Variants in PTPN22 observed in about 807,000 individuals in gnomAD.
PTPN22 encodes protein tyrosine phosphatase non-receptor type 22.
Under a neutral mutation model 103.3 loss-of-function variants are expected in PTPN22, and 85 were observed. The ratio of observed to expected loss-of-function variants is 0.82; its 90% CI spans 0.69 to 0.99. The LOEUF is 0.99. Ranked by LOEUF, PTPN22 falls within the 50% of genes least tolerant of loss-of-function variation. The probability of loss-of-function intolerance (pLI) is 0.00; values close to 1 mark genes in which losing one functional copy is unlikely to be tolerated. For missense variants in PTPN22, 865 were observed against 936.9 expected, an observed-to-expected ratio of 0.92 and a Z score of 1.00; for synonymous variants, 323 against 310.2, an observed-to-expected ratio of 1.04 and a Z score of -0.43.
intron 11 of PTPN22, among the ~76,000 whole-genome samples, chr1:113,839,547 T>C (rs1663335898): frequency 6.6e-6 from 1 of 152,168 alleles, no homozygotes; most frequent in Non-Finnish European, 1.5e-5. Flanking sequence ...TATCATATTA[T>C]GAAATATGTT....
chr1:113,847,236 C>CTTT lies in PTPN22; in HGVS notation c.915+1301_915+1303dup, dbSNP rs34578333. On this transcript the variant is annotated intron_variant, in intron 11 of 20. Coordinates refer to ENST00000359785, the Ensembl canonical transcript of PTPN22. The stretch of plus-strand genomic sequence containing the variant: ...TATATCTTGTTTCTTTGCTGAGACT[C>CTTT]TTTTTTTTTTTTTTTTGATGAGGCT... Among the ~76,000 whole-genome samples, 133 of 101,438 alleles carry CTTT rather than the reference C, an allele frequency of 1.3e-3. 1 individual carries two copies. The highest frequency in any genetic ancestry group is 4.6e-3 in the African/African-American group (125 of 27,088). The allele number at this position is 101,438 out of a possible 152,430, so 66.5% of individuals were successfully genotyped here.
chr1:113,862,385 C>G lies in PTPN22; in HGVS notation c.88-2925G>C, dbSNP rs149371612. On this transcript the variant is annotated intron_variant, in intron 1 of 20. Coordinates refer to ENST00000359785, the Ensembl canonical transcript of PTPN22. ...GGTGGAATGTGTGAGAAACCAGATT[C>G]TGTGTGTGCTTGATAAGCTAATAGT... 3.0e-3 allele frequency among the ~76,000 whole-genome samples: 455 copies of G among 152,240 alleles called. 2 individuals carry two copies. Among genetic ancestry groups the G allele is most frequent in the Non-Finnish European group, 5.0e-3 (343 of 68,012 alleles).
At chr1:113,832,081 A>G (rs1662597800) in intron 16 of PTPN22, among the ~76,000 whole-genome samples, 1 of 152,256 alleles carries the variant, frequency 6.6e-6, no homozygotes. Context: ...GAAAAATAGA[A>G]GGAGAAAGTA....
exon 21 of PTPN22, chr1:113,814,783 A>G (rs778443826): frequency 1.6e-5 from 13 of 800,592 alleles, no homozygotes; most frequent in Non-Finnish European, 2.0e-5. Context: ...AGCTATTAAC[A>G]CATTAGCATA....
intron 10 of PTPN22, among the ~76,000 whole-genome samples, chr1:113,850,376 G>A (rs899719898): frequency 6.6e-6 from 1 of 152,198 alleles, no homozygotes; most frequent in African/African-American, 2.4e-5. Context: ...CAACTGTCAA[G>A]TTCAGTTAGT....
At chr1:113,814,787 T>G in exon 21 of PTPN22, 1 of 827,054 alleles carries the variant, frequency 1.2e-6, no homozygotes, top group Non-Finnish European at 2.0e-6. Context: ...ATTAACACAT[T>G]AGCATATCTT....
At chr1:113,839,915 C>A in intron 11 of PTPN22, among the ~76,000 whole-genome samples, 1 of 151,304 alleles carries the variant, frequency 6.6e-6, no homozygotes, top group African/African-American at 2.4e-5. Flanking sequence ...AAAAAGCATT[C>A]AAATTGGAAA....
intron 1 of PTPN22, among the ~76,000 whole-genome samples, chr1:113,867,274 C>CA (rs995480397): frequency 2.7e-4 from 41 of 152,284 alleles, no homozygotes; most frequent in South Asian, 1.9e-3. Flanking sequence ...TTGAGAGACT[C>CA]AGTGTCATTG....
chr1:113,856,770 T>A (rs1445942284), intron 5 of PTPN22, 151 bp from the exon 6 acceptor site: 15 of 895,264 alleles, frequency 1.7e-5, no homozygotes. Context: ...TATTGGAATC[T>A]CCAAAGATGG....
intron 13 of PTPN22, among the ~76,000 whole-genome samples, chr1:113,837,218 G>A (rs961649029): frequency 2.6e-5 from 4 of 152,096 alleles, no homozygotes; most frequent in Middle Eastern, 3.2e-3. Flanking sequence ...TTGGGAGGCC[G>A]AGGCAGGCAG....
intron 1 of PTPN22, among the ~76,000 whole-genome samples, chr1:113,862,429 G>A (rs1383609336): frequency 1.3e-5 from 2 of 152,194 alleles, no homozygotes; most frequent in Admixed American, 1.3e-4. Flanking sequence ...TTGGTTTGTA[G>A]ATGATACTAC....
intron 9 of PTPN22, among the ~76,000 whole-genome samples, chr1:113,853,715 T>C (rs74711669): frequency 5.9e-5 from 9 of 151,698 alleles, no homozygotes; most frequent in African/African-American, 2.2e-4. Context: ...GGAGTCTCTC[T>C]CTGTCACCCA....
At chr1:113,829,827 C>T in intron 17 of PTPN22, 120 bp from the exon 18 acceptor site, 2 of 1,201,542 alleles carry the variant, frequency 1.7e-6, no homozygotes, top group Non-Finnish European at 2.4e-6. Context: ...ATATTAGGGG[C>T]TTTTAAAATG....
intron 18 of PTPN22, among the ~76,000 whole-genome samples, chr1:113,827,357 C>T (rs1237919697): frequency 6.6e-6 from 1 of 152,098 alleles, no homozygotes; most frequent in Non-Finnish European, 1.5e-5. Flanking sequence ...TGTAGATAAC[C>T]ACTGTTAGTT....
chr1:113,838,167 C>A lies in PTPN22; in HGVS notation c.1233G>T (p.Lys411Asn), dbSNP rs760438127. Residue 411 changes from lysine (K) to asparagine (N), a missense_variant, in exon 13 of 21, where the codon AAG (lysine) becomes AAT (asparagine). Coordinates refer to ENST00000359785, the Ensembl canonical transcript of PTPN22. ...GAGAGCCCAAATCCAAACTTTGATG[C>A]TTCTGAAGAGGCTCCCCAACTATTG... 3.1e-6 allele frequency: 5 copies of A among 1,614,018 alleles called. No homozygotes were observed. In the South Asian group the frequency reaches 4.4e-5, roughly 14 times the overall value.
chr1:113,869,921 T>C (rs987645884), intron 1 of PTPN22, among the ~76,000 whole-genome samples: 8 of 152,176 alleles, frequency 5.3e-5, no homozygotes, highest in South Asian at 2.1e-4. Flanking sequence ...ACATTTTTCA[T>C]AGTACCACAA....
rs61014287 is a variant in PTPN22, at chr1:113,870,298, G to GA, written c.87+1238dup. On this transcript the variant is annotated intron_variant, in intron 1 of 20. Coordinates refer to ENST00000359785, the Ensembl canonical transcript of PTPN22. The stretch of plus-strand genomic sequence containing the variant: ...CATGTCAAATACTTCATAATTTGGT[G>GA]AAAAAAAATCATGATTTAATTTCAG... Among the ~76,000 whole-genome samples the GA allele has an allele frequency of 3.4e-3, 518 of 151,898 alleles. 4 individuals carry two copies. Among genetic ancestry groups the GA allele is most frequent in the African/African-American group, 0.012 (499 of 41,452 alleles).
At chr1:113,869,158 G>A (rs1666363283) in intron 1 of PTPN22, among the ~76,000 whole-genome samples, 1 of 152,178 alleles carries the variant, frequency 6.6e-6, no homozygotes, top group African/African-American at 2.4e-5. Flanking sequence ...GGAGGCTGCA[G>A]TGAGCCGAGA....
intron 13 of PTPN22, among the ~76,000 whole-genome samples, chr1:113,835,387 G>A (rs937838877): frequency 3.3e-5 from 5 of 151,974 alleles, no homozygotes; most frequent in Admixed American, 2.6e-4. Context: ...GCGTGGTGGC[G>A]GGCCCCTGTA....
Sources: allele counts gnomAD v4.1 joint callset (sites outside exome capture counted in the v4.1 genomes callset), GRCh38; gene constraint gnomAD v4.1.1; transcripts MANE v1.5; gene names NCBI Gene and HGNC (gene_info 2026-07-23, HGNC 2026-07-21).